The following SBF2 variants were observed in gnomAD, a reference collection of about 807,000 sequenced individuals.
SBF2 encodes the protein myotubularin-related protein 13.
SBF2 carries 112 observed loss-of-function variants against 225.2 expected under a neutral mutation model. The observed-to-expected ratio is 0.50, with a 90% CI of 0.43 to 0.58. The LOEUF is 0.58. Among genes scored for constraint, SBF2 ranks in the 20% least tolerant of loss-of-function variants. The pLI is 0.00. For synonymous variants in SBF2, 763 were observed against 773.3 expected, an observed-to-expected ratio of 0.99 and a Z score of 0.22; for missense variants, 1,996 against 2,206.2, an observed-to-expected ratio of 0.90 and a Z score of 1.91.
intron 2 of SBF2, among the ~76,000 whole-genome samples, chr11:10,088,079 A>G (rs1951644531): frequency 6.6e-6 from 1 of 150,696 alleles, no homozygotes; most frequent in Admixed American, 6.6e-5. Context: ...GCTGGAGTGC[A>G]GTGGCGTGAT....
At chr11:9,839,322 A>G (rs1855943032) in intron 26 of SBF2, 176 bp downstream of exon 26, 2 of 681,274 alleles carry the variant, frequency 2.9e-6, no homozygotes, top group Admixed American at 2.2e-5. Context: ...AGGTACTTTC[A>G]GTAAGGTAAT....
intron 2 of SBF2, among the ~76,000 whole-genome samples, chr11:10,127,309 C>T (rs10840370): frequency 0.055 from 8,302 of 152,150 alleles, 475 homozygotes; most frequent in East Asian, 0.17. Context: ...TTATGCTTTA[C>T]TATTTACTGA....
chr11:10,178,894 C>T (rs1211095031), intron 2 of SBF2, among the ~76,000 whole-genome samples: 8 of 148,012 alleles, frequency 5.4e-5, no homozygotes, highest in East Asian at 2.0e-4. Flanking sequence ...CACATGCACA[C>T]GTATGTTTAT....
chr11:9,885,267 A>C (rs1457210576), intron 17 of SBF2, among the ~76,000 whole-genome samples: 8 of 150,154 alleles, frequency 5.3e-5, no homozygotes, highest in Middle Eastern at 3.4e-3. Flanking sequence ...AAAAAAAAAA[A>C]AAAAAAAAAC....
At chr11:9,882,604 C>A (rs7480587) in intron 17 of SBF2, among the ~76,000 whole-genome samples, 37 of 151,870 alleles carry the variant, frequency 2.4e-4, no homozygotes, top group African/African-American at 8.7e-4. Context: ...GTCAGGAGAT[C>A]GAGACCATCC....
intron 28 of SBF2, chr11:9,819,201 T>C (rs1854616546): frequency 6.6e-6 from 1 of 151,962 alleles, no homozygotes; most frequent in South Asian, 2.1e-4. Flanking sequence ...TTTAAAAGAG[T>C]GATATATCAG....
At chr11:10,152,005 G>A (rs1178202346) in intron 2 of SBF2, among the ~76,000 whole-genome samples, 1 of 152,118 alleles carries the variant, frequency 6.6e-6, no homozygotes, top group African/African-American at 2.4e-5. Context: ...CATTGTCAAA[G>A]TTAGTTCTTG....
At chr11:10,166,128 G>A (rs961661208) in intron 2 of SBF2, among the ~76,000 whole-genome samples, 2 of 152,176 alleles carry the variant, frequency 1.3e-5, no homozygotes, top group African/African-American at 4.8e-5. Flanking sequence ...CACATAATAG[G>A]CACTAAGAAA....
In SBF2 at chr11:10,196,852, A is replaced by T. The variant is rs1254484386; in HGVS notation, c.56-2865T>A. On this transcript the variant is annotated intron_variant, in intron 1 of 39. Coordinates refer to ENST00000256190, the MANE Select transcript of SBF2 (RefSeq NM_030962.4). ...TTCTTGCATAAATATATATATATATATATATATATATATATTTTTTTTTTC... is the reference window on the plus strand; with the variant it reads ...TTCTTGCATAAATATATATATATATTTATATATATATATATTTTTTTTTTC... Among the ~76,000 whole-genome samples, 9 of 19,322 alleles carry T rather than the reference A, an allele frequency of 4.7e-4. 1 individual carries two copies. The highest frequency in any genetic ancestry group is 2.1e-3 in the Admixed American group (3 of 1,462). The allele number at this position is 19,322 out of a possible 152,430, so 12.7% of individuals were successfully genotyped here.
chr11:10,167,295 T>C (rs1320870345), intron 2 of SBF2, among the ~76,000 whole-genome samples: 1 of 152,210 alleles, frequency 6.6e-6, no homozygotes, highest in Non-Finnish European at 1.5e-5. Context: ...TCTTCAGTAA[T>C]TTGTTAAGAT....
chr11:9,844,204 A>G (rs991088528), intron 24 of SBF2, among the ~76,000 whole-genome samples: 2 of 152,206 alleles, frequency 1.3e-5, no homozygotes, highest in African/African-American at 4.8e-5. Context: ...GAACTTGCTC[A>G]TGCTTCAGCA....
At chr11:10,123,558 T>G (rs1953583786) in intron 2 of SBF2, among the ~76,000 whole-genome samples, 2 of 151,996 alleles carry the variant, frequency 1.3e-5, no homozygotes, top group Non-Finnish European at 2.9e-5. Context: ...TTATCCCTAC[T>G]TGAAAAAAGA....
intron 21 of SBF2, 85 bp from the exon 22 acceptor site, chr11:9,850,303 T>C: frequency 8.5e-7 from 1 of 1,179,144 alleles, no homozygotes; most frequent in Non-Finnish European, 1.2e-6. Context: ...TTGCCCAGCC[T>C]AGAATACAGT....
intron 16 of SBF2, among the ~76,000 whole-genome samples, chr11:9,928,087 T>C (rs991078757): frequency 6.6e-6 from 1 of 152,180 alleles, no homozygotes; most frequent in African/African-American, 2.4e-5. Context: ...TGCATATCTA[T>C]TCATGAATAA....
At chr11:10,176,358 A>G (rs201579987) in intron 2 of SBF2, among the ~76,000 whole-genome samples, 19 of 151,870 alleles carry the variant, frequency 1.3e-4, no homozygotes, top group African/African-American at 4.1e-4. Flanking sequence ...AACTGAAGGA[A>G]ATAGAGACAC....
intron 24 of SBF2, 135 bp from the exon 25 acceptor site, chr11:9,842,905 CCTT>C (rs1430021417): frequency 1.3e-6 from 1 of 786,664 alleles, no homozygotes; most frequent in Non-Finnish European, 2.0e-6. Flanking sequence ...TTAAGCCTCT[CCTT>C]CTTTAGGTTA....
intron 2 of SBF2, among the ~76,000 whole-genome samples, chr11:10,067,634 C>T (rs934882465): frequency 6.6e-6 from 1 of 152,082 alleles, no homozygotes; most frequent in East Asian, 1.9e-4. Context: ...GTGACTCACA[C>T]CTATAATCTC....
At chr11:9,938,095 T>C (rs539384198) in intron 16 of SBF2, among the ~76,000 whole-genome samples, 3 of 152,004 alleles carry the variant, frequency 2.0e-5, no homozygotes, top group South Asian at 2.1e-4. Flanking sequence ...ATCGAGACCA[T>C]CCTGGTTAAC....
intron 13 of SBF2, among the ~76,000 whole-genome samples, chr11:9,969,412 T>G (rs1314272856): frequency 6.6e-6 from 1 of 152,210 alleles, no homozygotes; most frequent in Non-Finnish European, 1.5e-5. Flanking sequence ...TTCATTCCAA[T>G]GGCTTGTCAT....
Sources: allele counts gnomAD v4.1 joint callset (sites outside exome capture counted in the v4.1 genomes callset), GRCh38; gene constraint gnomAD v4.1.1; transcripts MANE v1.5; gene names NCBI Gene and HGNC (gene_info 2026-07-23, HGNC 2026-07-21).